Variants in OAS1 observed in about 807,000 individuals in gnomAD.
OAS1 encodes the protein 2'-5'-oligoadenylate synthase 1.
OAS1 carries 24 observed loss-of-function variants against 38.5 expected under a neutral mutation model. That is an observed-to-expected ratio of 0.62 (90% CI 0.45 to 0.88). The LOEUF is 0.88. Ranked by LOEUF, OAS1 falls within the 40% of genes least tolerant of loss-of-function variation. The probability of loss-of-function intolerance (pLI) is 0.00; values close to 1 mark genes in which losing one functional copy is unlikely to be tolerated. For missense variants in OAS1, 482 were observed against 493.9 expected, an observed-to-expected ratio of 0.98 and a Z score of 0.23; for synonymous variants, 169 against 193.9, an observed-to-expected ratio of 0.87 and a Z score of 1.07.
intron 3 of OAS1, among the ~76,000 whole-genome samples, chr12:112,914,033 A>T (rs543860648): frequency 1.3e-5 from 2 of 152,222 alleles, no homozygotes; most frequent in East Asian, 3.9e-4. Flanking sequence ...TGGTGCACCC[A>T]TCACCCAAAC....
rs749349964 is a variant in OAS1 at position 112,908,591 on chromosome 12, T to C, written c.236T>C (p.Val79Ala). 6 of 1,613,992 alleles carry C rather than the reference T, an allele frequency of 3.7e-6. No individual in the cohort carries two copies. The Admixed American group carries it at 8.3e-5, about 22-fold the overall frequency. Residue 79 changes from valine (V) to alanine (A), a missense_variant, in exon 2 of 6, where the codon GTT (valine) becomes GCT (alanine). Val to Ala is a moderately conservative substitution (Grantham distance 64). Transcript: ENST00000202917. Reference sequence around the variant, plus strand: ...AGAGGCCGATCTGACGCTGACCTGGTTGTCTTCCTCAGTCCTCTCACCACT... The same window carrying C: ...AGAGGCCGATCTGACGCTGACCTGGCTGTCTTCCTCAGTCCTCTCACCACT... Reference protein sequence around the residue: ...TLRGRSDADLVVFLSPLTTFQ... With the variant: ...TLRGRSDADLAVFLSPLTTFQ...
intron 3 of OAS1, among the ~76,000 whole-genome samples, chr12:112,914,064 T>C (rs948568485): frequency 6.6e-6 from 1 of 152,214 alleles, no homozygotes; most frequent in Non-Finnish European, 1.5e-5. Flanking sequence ...GTACCCAATG[T>C]GTAATCTTTT....
chr12:112,919,431 A>T lies in OAS1; in HGVS notation c.1081A>T (p.Arg361Trp), dbSNP rs2043510048. The T allele has an allele frequency of 6.2e-7, 1 of 1,614,146 alleles. No individual in the cohort carries two copies. The highest frequency in any genetic ancestry group is 8.5e-7 in the Non-Finnish European group (1 of 1,179,988). Residue 361 changes from arginine (R) to tryptophan (W), a missense_variant, in exon 6 of 6, where the codon AGG (arginine) becomes TGG (tryptophan). Physicochemically the swap from Arg to Trp is moderately radical, Grantham distance 101. Transcript: ENST00000202917. ...AGACGATGAGACCGACGATCCCAGG[A>T]GGTATCAGAAATATGGTTACATTGG... is the stretch of plus-strand genomic sequence containing the variant. Reference protein sequence around the residue: ...SADDETDDPRRYQKYGYIGTH... With the variant: ...SADDETDDPRWYQKYGYIGTH...
At chr12:112,921,660 C>T (rs369833900), downstream of OAS1, among the ~76,000 whole-genome samples, 22 of 152,308 alleles carry the variant, frequency 1.4e-4, no homozygotes, top group South Asian at 1.2e-3. Flanking sequence ...ACACTTTGAA[C>T]ACCATGGGGT....
intron 6 of OAS1, among the ~76,000 whole-genome samples, chr12:112,926,371 C>G (rs2043557968): frequency 6.6e-6 from 1 of 152,148 alleles, no homozygotes; most frequent in South Asian, 2.1e-4. Context: ...CGGGGGAAAC[C>G]AGCCCCCGAT....
chr12:112,925,277 T>A (rs183881707), intron 6 of OAS1, among the ~76,000 whole-genome samples: 1 of 151,974 alleles, frequency 6.6e-6, no homozygotes, highest in South Asian at 2.1e-4. Flanking sequence ...CTGCGTGAAC[T>A]CTCCCACACC....
rs746854078 is a variant in OAS1, at chr12:112,917,576, C to T, written c.914C>T (p.Thr305Ile). The change falls in exon 5 of 6, where the codon ACA (threonine) becomes ATA (isoleucine). Residue 305 changes from threonine (T) to isoleucine (I), a missense_variant. By Grantham distance (89) the Thr-to-Ile change is moderately conservative. Coordinates refer to ENST00000202917, the MANE Select transcript of OAS1 (RefSeq NM_016816.4). ...GTGATCCTGGACCCGGCGGACCCTACAGGAAACTTGGGTGGTGGAGACCCA... is the reference window on the plus strand; with the variant it reads ...GTGATCCTGGACCCGGCGGACCCTATAGGAAACTTGGGTGGTGGAGACCCA... ...RPVILDPADP[T>I]GNLGGGDPKG... The T allele has an allele frequency of 8.7e-6, 14 of 1,614,074 alleles. No homozygotes were observed. The highest frequency in any genetic ancestry group is 1.2e-5 in the Non-Finnish European group (14 of 1,180,042).
intron 1 of OAS1, among the ~76,000 whole-genome samples, chr12:112,907,460 C>T (rs953363576): frequency 4.6e-5 from 7 of 152,218 alleles, no homozygotes; most frequent in East Asian, 1.9e-4. Context: ...CCCTACTTCC[C>T]GCTGAAGTTT....
intron 5 of OAS1, chr12:112,918,501 T>C (rs767443880): frequency 1.4e-5 from 5 of 366,628 alleles, no homozygotes; most frequent in Non-Finnish European, 2.2e-5. Flanking sequence ...TTTGGGTAGA[T>C]ACCGAGTAGT....
chr12:112,916,868 C>T (rs2043468108), intron 4 of OAS1, 130 bp downstream of exon 4: 2 of 713,844 alleles, frequency 2.8e-6, no homozygotes, highest in Non-Finnish European at 2.4e-6. Context: ...CATCATTGTA[C>T]TGGGCATTTT....
intron 2 of OAS1, 71 bp from the exon 3 acceptor site, chr12:112,910,980 T>C: frequency 7.1e-7 from 1 of 1,404,416 alleles, no homozygotes; most frequent in Non-Finnish European, 9.9e-7. Flanking sequence ...CCAGGGAGAT[T>C]GTCCCCTCAG....
intron 3 of OAS1, among the ~76,000 whole-genome samples, chr12:112,914,730 G>GTTTTTTTTTTTT (rs60578734): frequency 8.4e-6 from 1 of 118,494 alleles, no homozygotes; most frequent in Non-Finnish European, 1.8e-5. Context: ...GTTGGTATTT[G>GTTTTTTTTTTTT]TTTTTTTTTT....
chr12:112,914,380 G>A (rs1246637341), intron 3 of OAS1, among the ~76,000 whole-genome samples: 1 of 152,162 alleles, frequency 6.6e-6, no homozygotes, highest in African/African-American at 2.4e-5. Flanking sequence ...TTTTGCAATT[G>A]CAAATTGTGC....
chr12:112,907,324 G>A, intron 1 of OAS1, 105 bp downstream of exon 1: 1 of 1,162,864 alleles, frequency 8.6e-7, no homozygotes, highest in East Asian at 2.4e-5. Context: ...TAGAACCCAG[G>A]GTGCAAATGT....
chr12:112,930,047 T>C (rs1346076102), intron 6 of OAS1, among the ~76,000 whole-genome samples: 2 of 152,120 alleles, frequency 1.3e-5, no homozygotes, highest in Non-Finnish European at 2.9e-5. Context: ...TCATGGGTAG[T>C]TTAACACCAT....
chr12:112,930,595 T>C (rs1322599611), intron 6 of OAS1, among the ~76,000 whole-genome samples: 2 of 152,176 alleles, frequency 1.3e-5, no homozygotes, highest in Non-Finnish European at 2.9e-5. Flanking sequence ...TACAGCCCCC[T>C]CCTCAGCCTC....
intron 3 of OAS1, among the ~76,000 whole-genome samples, chr12:112,914,315 T>C (rs2043424892): frequency 6.6e-6 from 1 of 152,232 alleles, no homozygotes; most frequent in African/African-American, 2.4e-5. Context: ...TGTGTGTGTA[T>C]AACATTTTTC....
chr12:112,930,228 G>A (rs571894202), intron 6 of OAS1, among the ~76,000 whole-genome samples: 1 of 152,240 alleles, frequency 6.6e-6, no homozygotes, highest in East Asian at 1.9e-4. Flanking sequence ...CTCCCCAGAA[G>A]CCAAGCAGAC....
At position 112,907,220 on chromosome 12, in the gene OAS1, G is replaced by A; in HGVS notation, c.180+1G>A. 3 of 1,614,074 alleles carry A rather than the reference G, an allele frequency of 1.9e-6. No individual in the cohort carries two copies. Among genetic ancestry groups the A allele is most frequent in the Non-Finnish European group, 2.5e-6 (3 of 1,179,962 alleles). On this transcript the variant is annotated splice_donor_variant, in intron 1 of 5. Transcript: ENST00000202917. LOFTEE classifies it high-confidence loss of function. ...TGTGTGTGTGTCCAAGGTGGTAAAG[G>A]TGAGTCCAGGCCTGCCTGGCCAGGG...
Sources: allele counts gnomAD v4.1 joint callset (sites outside exome capture counted in the v4.1 genomes callset), GRCh38; gene constraint gnomAD v4.1.1; transcripts MANE v1.5; gene names NCBI Gene and HGNC (gene_info 2026-07-23, HGNC 2026-07-21).